The following CAPN6 variants were observed in gnomAD, a reference collection of about 807,000 sequenced individuals.
CAPN6 encodes calpain-6.
Under a neutral mutation model 46.0 loss-of-function variants are expected in CAPN6, and 16 were observed. The observed-to-expected ratio is 0.35, with a 90% CI of 0.24 to 0.53. The LOEUF (loss-of-function observed/expected upper bound fraction) is 0.53. Ranked by LOEUF, CAPN6 falls within the 20% of genes least tolerant of loss-of-function variation. The pLI, the probability that CAPN6 is intolerant of heterozygous loss-of-function variation, is 0.94. For synonymous variants in CAPN6, 206 were observed against 172.8 expected (o/e 1.19, Z -1.51); for missense variants, 461 against 498.0 (o/e 0.93, Z 0.71).
At position 111,248,925 on chromosome X, in the gene CAPN6, C is replaced by A. The variant is rs374187461; in HGVS notation, c.1281+10G>T. The A allele has an allele frequency of 8.3e-7, 1 of 1,211,341 alleles. No homozygotes were observed. Among genetic ancestry groups the A allele is most frequent in the Admixed American group, 2.2e-5 (1 of 45,967 alleles). On this transcript the variant is annotated intron_variant, in intron 9 of 12. Transcript: ENST00000324068. The stretch of plus-strand genomic sequence containing the variant: ...CCTTCATTCTCTCTGCCCCAAATGC[C>A]CATTTTTACCTTGAAGAGCTCAAAG...
intron 10 of CAPN6, 60 bp downstream of exon 10, chrX:111,248,509 G>C (rs1368377913): frequency 2.2e-6 from 2 of 892,680 alleles, no homozygotes; most frequent in African/African-American, 3.9e-5. Context: ...GGGTGAAGGG[G>C]TTTAGGATTG....
At chrX:111,249,309 G>A (rs2094977185) in intron 8 of CAPN6, among the ~76,000 whole-genome samples, 1 of 111,916 alleles carries the variant, frequency 8.9e-6, no homozygotes, top group South Asian at 3.8e-4. Context: ...TGATGCCAAA[G>A]AGGATATGCT....
chrX:111,270,042 T>C (rs1208937572), intron 1 of CAPN6, among the ~76,000 whole-genome samples: 2 of 111,869 alleles, frequency 1.8e-5, no homozygotes, highest in Non-Finnish European at 3.8e-5. Flanking sequence ...ACTTACCAGG[T>C]ATTTTGGGTA....
rs1159870915 is a variant in CAPN6 at position 111,254,320 on chromosome X, C to A, written c.249G>T (p.Met83Ile). Reference sequence around the variant, plus strand: ...CAGCCAAACAGGAAAATGCAGAAACCATTGGCTTGTGCCCCAGTCTCCCTT... The same window carrying A: ...CAGCCAAACAGGAAAATGCAGAAACAATTGGCTTGTGCCCCAGTCTCCCTT... ...LTQGRLGHKP[M>I]VSAFSCLAVQ... is the part of the protein sequence containing the mutation. The change falls in exon 3 of 13, where the codon ATG becomes ATT. Residue 83 changes from methionine to isoleucine, a missense_variant. Physicochemically the swap from Met to Ile is conservative, Grantham distance 10. Coordinates refer to ENST00000324068, the MANE Select transcript of CAPN6 (RefSeq NM_014289.4). 1 of 1,208,831 alleles carries A rather than the reference C, an allele frequency of 8.3e-7. No individual in the cohort carries two copies. The highest frequency in any genetic ancestry group is 2.2e-5 in the Admixed American group (1 of 45,950).
In CAPN6 at chrX:111,252,431, G is replaced by A; in HGVS notation, c.575C>T (p.Thr192Ile). ...CTGCATGTCAACAGTTTCAGCCAATGTGCCCGTGAAGTCCACAATAATATC... is the reference window on the plus strand; with the variant it reads ...CTGCATGTCAACAGTTTCAGCCAATATGCCCGTGAAGTCCACAATAATATC... ...ITDIIVDFTG[T>I]LAETVDMQKG... The change falls in exon 5 of 13, where the codon ACA becomes ATA. Residue 192 changes from threonine to isoleucine, a missense_variant. Coordinates refer to ENST00000324068, the MANE Select transcript of CAPN6 (RefSeq NM_014289.4). The A allele has an allele frequency of 8.3e-7, 1 of 1,210,973 alleles. No individual in the cohort carries two copies. Among genetic ancestry groups the A allele is most frequent in the East Asian group, 3.0e-5 (1 of 33,837 alleles).
intron 2 of CAPN6, 137 bp downstream of exon 2, chrX:111,263,635 G>GA (rs772193349): frequency 9.3e-4 from 382 of 411,118 alleles, no homozygotes; most frequent in East Asian, 1.7e-3. Context: ...CAATAAAGCT[G>GA]AAAAAAAAAG....
intron 1 of CAPN6, among the ~76,000 whole-genome samples, chrX:111,267,036 T>C (rs2094992503): frequency 8.9e-6 from 1 of 112,197 alleles, no homozygotes; most frequent in Admixed American, 9.4e-5. Flanking sequence ...AACAACTTAC[T>C]CTGTTGGAAC....
intron 5 of CAPN6, among the ~76,000 whole-genome samples, chrX:111,251,962 G>A (rs1298897017): frequency 1.8e-5 from 2 of 112,152 alleles, no homozygotes; most frequent in Non-Finnish European, 3.8e-5. Context: ...ATCCACTGTA[G>A]GACATTAATA....
chrX:111,263,715 A>G, intron 2 of CAPN6, 57 bp downstream of exon 2: 1 of 1,031,459 alleles, frequency 9.7e-7, no homozygotes, highest in Non-Finnish European at 1.3e-6. Context: ...ACAGTGGATC[A>G]CGTAGAAGTA....
intron 2 of CAPN6, among the ~76,000 whole-genome samples, chrX:111,262,809 C>G (rs2094988898): frequency 8.9e-6 from 1 of 112,091 alleles, no homozygotes; most frequent in Non-Finnish European, 1.9e-5. Context: ...ACACAACATA[C>G]AGATGATGCA....
Position 111,253,097 on chromosome X carries a change from C to T in CAPN6, c.417G>A (p.Leu139=), listed in dbSNP as rs1569481057. The T allele has an allele frequency of 1.7e-6, 2 of 1,207,632 alleles. No homozygotes were observed. The highest frequency in any genetic ancestry group is 2.2e-6 in the Non-Finnish European group (2 of 892,759). Residue 139 remains leucine (L), a synonymous_variant, in exon 4 of 13, where the codon TTG becomes TTA. Transcript: ENST00000324068. ...CCAGATCTCCGTTAATGGTGGGCAA[C>T]AAGTCATCAATCACCACTTCAGTCC... ...GEWTEVVIDD[L]LPTINGDLVF...
At chrX:111,263,344 G>C (rs1353949127) in intron 2 of CAPN6, among the ~76,000 whole-genome samples, 1 of 111,599 alleles carries the variant, frequency 9.0e-6, no homozygotes, top group Non-Finnish European at 1.9e-5. Context: ...ATGGATCTTA[G>C]ATTAATTTGC....
At chrX:111,266,517 G>A (rs1005676341) in intron 1 of CAPN6, among the ~76,000 whole-genome samples, 3 of 112,574 alleles carry the variant, frequency 2.7e-5, no homozygotes, top group African/African-American at 9.7e-5. Context: ...TTCAGAAAAT[G>A]TTTGTTGAAC....
chrX:111,261,128 C>T (rs12010681), intron 2 of CAPN6, among the ~76,000 whole-genome samples: 8,696 of 112,169 alleles, frequency 0.078, 769 homozygotes, highest in African/African-American at 0.25. Flanking sequence ...GGGAAGCTAC[C>T]TATTTTGGTG....
At chrX:111,253,338 G>C in intron 3 of CAPN6, 122 bp from the exon 4 acceptor site, 1 of 547,701 alleles carries the variant, frequency 1.8e-6, no homozygotes, top group African/African-American at 2.3e-5. Context: ...CACCTGGTTT[G>C]AGTCTGGATT....
chrX:111,263,182 A>G (rs917074502), intron 2 of CAPN6, among the ~76,000 whole-genome samples: 3 of 112,145 alleles, frequency 2.7e-5, no homozygotes, highest in African/African-American at 9.7e-5. Flanking sequence ...AGAAATATTC[A>G]TAGCATCTTT....
At chrX:111,269,360 T>C (rs754501766) in intron 1 of CAPN6, among the ~76,000 whole-genome samples, 100 of 112,382 alleles carry the variant, frequency 8.9e-4, no homozygotes, top group Admixed American at 1.6e-3. Context: ...AATAATTTTT[T>C]TGTTTATTAC....
rs1362732685 is a variant in CAPN6, at chrX:111,251,657, A to G, written c.785T>C (p.Ile262Thr). 1.7e-6 allele frequency: 2 copies of G among 1,208,371 alleles called. No individual in the cohort carries two copies. Among genetic ancestry groups the G allele is most frequent in the Non-Finnish European group, 2.2e-6 (2 of 893,810 alleles). Reference sequence around the variant, plus strand: ...TTCCACAAGTCTCTCTCCAAGACGAATTTTGCGAATATCAGTCATGGTATA... The same window carrying G: ...TTCCACAAGTCTCTCTCCAAGACGAGTTTTGCGAATATCAGTCATGGTATA... ...HTYTMTDIRK[I>T]RLGERLVEVF... The change falls in exon 6 of 13, where the codon ATT (isoleucine) becomes ACT (threonine). Residue 262 changes from isoleucine (I) to threonine (T), a missense_variant. Physicochemically the swap from Ile to Thr is moderately conservative, Grantham distance 89. Transcript: ENST00000324068.
chrX:111,264,837 A>G (rs1289323245), intron 1 of CAPN6, among the ~76,000 whole-genome samples: 2 of 111,727 alleles, frequency 1.8e-5, no homozygotes, highest in African/African-American at 6.5e-5. Flanking sequence ...TTTTAGGAAG[A>G]TAATTTGAAA....
Sources: gnomAD v4.1 joint callset for allele counts (sites outside exome capture counted in the v4.1 genomes callset) on GRCh38, gnomAD v4.1.1 for gene constraint, MANE v1.5 for transcripts, NCBI Gene and HGNC (gene_info 2026-07-23, HGNC 2026-07-21) for gene names.